Variants in XKR9 observed in about 807,000 individuals in gnomAD.
The protein encoded by XKR9 is XK related 9.
A neutral mutation model predicts 32.0 loss-of-function variants in XKR9; 32 were observed. The ratio of observed to expected loss-of-function variants is 1.00; its 90% confidence interval spans 0.76 to 1.34. The LOEUF is 1.34. Ranked by LOEUF, XKR9 falls within the 40% of genes most tolerant of loss-of-function variation. XKR9 has a pLI of 0.00. For missense variants in XKR9, 546 were observed against 429.7 expected, an observed-to-expected ratio of 1.27 and a Z score of -2.39; for synonymous variants, 168 against 143.4, an observed-to-expected ratio of 1.17 and a Z score of -1.22.
chr8:70,903,602 T>C, the XKR9 span, among the ~76,000 whole-genome samples: 1 of 152,208 alleles, frequency 6.6e-6, no homozygotes, highest in African/African-American at 2.4e-5. Context: ...CTGGATTCAT[T>C]GATTTTTTAA....
At chr8:70,821,877 TC>T in the XKR9 span, among the ~76,000 whole-genome samples, 1 of 152,196 alleles carries the variant, frequency 6.6e-6, no homozygotes, top group Non-Finnish European at 1.5e-5. Context: ...CGTGAAGGTC[TC>T]TGATGTGCTC....
the XKR9 span, among the ~76,000 whole-genome samples, chr8:71,036,572 C>A: frequency 6.6e-6 from 1 of 151,984 alleles, no homozygotes. Context: ...CTGGACAGTC[C>A]TTGGACATCT....
chr8:70,857,659 C>T, the XKR9 span, among the ~76,000 whole-genome samples: 1 of 151,980 alleles, frequency 6.6e-6, no homozygotes, highest in African/African-American at 2.4e-5. Flanking sequence ...CGAGACACAA[C>T]AAAAAAAGAG....
At chr8:70,785,739 CTATATATA>C (rs58917686) in intron 2 of XKR9, among the ~76,000 whole-genome samples, 3 of 131,226 alleles carry the variant, frequency 2.3e-5, no homozygotes, top group African/African-American at 8.7e-5. Context: ...CTCTCTCTCT[CTATATATA>C]TATATATATG....
chr8:70,904,692 G>A, the XKR9 span, among the ~76,000 whole-genome samples: 1 of 152,148 alleles, frequency 6.6e-6, no homozygotes, highest in African/African-American at 2.4e-5. Context: ...TTGCCTGTTA[G>A]TTGATGCAGC....
chr8:71,010,096 T>C, the XKR9 span, among the ~76,000 whole-genome samples: 3 of 152,306 alleles, frequency 2.0e-5, no homozygotes, highest in East Asian at 3.9e-4. Flanking sequence ...GAACTGTGGG[T>C]TCTTCATTTG....
the XKR9 span, among the ~76,000 whole-genome samples, chr8:70,874,868 G>T: frequency 6.6e-6 from 1 of 152,140 alleles, no homozygotes; most frequent in Non-Finnish European, 1.5e-5. Context: ...CCCAGCAATT[G>T]AAGTGGAAGA....
chr8:70,754,496 G>C (rs1374179196), intron 2 of XKR9, among the ~76,000 whole-genome samples: 1 of 140,916 alleles, frequency 7.1e-6, no homozygotes, highest in Non-Finnish European at 1.6e-5. Context: ...GAGGCATCAC[G>C]CTACCTGACT....
the XKR9 span, among the ~76,000 whole-genome samples, chr8:70,874,290 G>T: frequency 6.6e-6 from 1 of 151,784 alleles, no homozygotes. Flanking sequence ...AACGTATGAA[G>T]GTTACTTTTA....
the XKR9 span, among the ~76,000 whole-genome samples, chr8:70,999,850 G>T: frequency 1.2e-3 from 179 of 152,172 alleles, no homozygotes; most frequent in Non-Finnish European, 1.8e-3. Context: ...TTTACCATTG[G>T]ATATTTTACA....
chr8:70,860,428 C>T, the XKR9 span, among the ~76,000 whole-genome samples: 1 of 152,128 alleles, frequency 6.6e-6, no homozygotes, highest in Non-Finnish European at 1.5e-5. Flanking sequence ...GACTTCCAGC[C>T]TTCTCCAGAA....
the XKR9 span, among the ~76,000 whole-genome samples, chr8:71,058,818 T>C: frequency 6.6e-6 from 1 of 152,226 alleles, no homozygotes; most frequent in Non-Finnish European, 1.5e-5. Context: ...GATACAAGAC[T>C]GGCTGGTGAG....
the XKR9 span, among the ~76,000 whole-genome samples, chr8:70,908,784 T>C: frequency 6.6e-6 from 1 of 152,330 alleles, no homozygotes; most frequent in Admixed American, 6.5e-5. Flanking sequence ...ATTAAAGATG[T>C]TAATAACCAT....
the XKR9 span, among the ~76,000 whole-genome samples, chr8:71,035,902 A>G: frequency 1.3e-5 from 2 of 152,158 alleles, no homozygotes; most frequent in African/African-American, 2.4e-5. Context: ...CCCAGAGGAA[A>G]GAATGCCCTT....
At chr8:70,896,160 T>A in the XKR9 span, among the ~76,000 whole-genome samples, 1 of 152,216 alleles carries the variant, frequency 6.6e-6, no homozygotes, top group African/African-American at 2.4e-5. Flanking sequence ...AGATAGTGGT[T>A]GCAGTTTTTA....
chr8:70,844,877 C>T, the XKR9 span, among the ~76,000 whole-genome samples: 1 of 152,230 alleles, frequency 6.6e-6, no homozygotes, highest in South Asian at 2.1e-4. Context: ...GCTGCCATCA[C>T]CCATGCTCCA....
At chr8:70,753,671 A>G (rs1482946322) in intron 2 of XKR9, among the ~76,000 whole-genome samples, 1 of 152,086 alleles carries the variant, frequency 6.6e-6, no homozygotes, top group Non-Finnish European at 1.5e-5. Flanking sequence ...AAACCACATG[A>G]TTATCTCAAT....
chr8:70,672,893 C>T (rs1283654782), intron 1 of XKR9, among the ~76,000 whole-genome samples: 1 of 151,884 alleles, frequency 6.6e-6, no homozygotes, highest in Non-Finnish European at 1.5e-5. Context: ...TGTTCTGTAC[C>T]CTCTTTTTGG....
At chr8:70,854,125 TA>T in the XKR9 span, among the ~76,000 whole-genome samples, 1 of 152,224 alleles carries the variant, frequency 6.6e-6, no homozygotes. Flanking sequence ...ATGGTTGAAC[TA>T]GTTTACAGTC....
Sources: gnomAD v4.1 joint callset for allele counts (sites outside exome capture counted in the v4.1 genomes callset) on GRCh38, gnomAD v4.1.1 for gene constraint, MANE v1.5 for transcripts, NCBI Gene and HGNC (gene_info 2026-07-23, HGNC 2026-07-21) for gene names.